C12orf42: variants seen among roughly 807,000 people sequenced by gnomAD.
The protein encoded by C12orf42 is chromosome 12 open reading frame 42, also known as uncharacterized protein C12orf42.
C12orf42 carries 25 observed loss-of-function variants against 21.6 expected under a neutral mutation model. The ratio of observed to expected loss-of-function variants is 1.16; its 90% CI spans 0.84 to 1.62. The LOEUF is 1.62. C12orf42 is among the 40% of genes most tolerant of loss of function. The pLI, the probability that C12orf42 is intolerant of heterozygous loss-of-function variation, is 0.00. For missense variants in C12orf42, 483 were observed against 459.3 expected (o/e 1.05, Z -0.47); for synonymous variants, 174 against 175.0 (o/e 0.99, Z 0.05).
intron 2 of C12orf42, among the ~76,000 whole-genome samples, chr12:103,436,285 C>T (rs969368265): frequency 6.6e-5 from 10 of 151,842 alleles, no homozygotes; most frequent in East Asian, 3.9e-4. Flanking sequence ...CGGTACCAGG[C>T]GCTGCAAAAT....
At chr12:103,365,486 A>T (rs532350753) in intron 4 of C12orf42, among the ~76,000 whole-genome samples, 1 of 152,146 alleles carries the variant, frequency 6.6e-6, no homozygotes, top group Non-Finnish European at 1.5e-5. Flanking sequence ...GCAATCAGAC[A>T]AGAGAAATAA....
the C12orf42 span, among the ~76,000 whole-genome samples, chr12:103,188,315 G>C: frequency 4.0e-5 from 6 of 150,990 alleles, no homozygotes; most frequent in African/African-American, 1.2e-4. Flanking sequence ...TAAGTTTATT[G>C]GGGTACAGGT....
chr12:103,098,977 A>G, the C12orf42 span, among the ~76,000 whole-genome samples: 2 of 152,226 alleles, frequency 1.3e-5, no homozygotes, highest in African/African-American at 2.4e-5. Flanking sequence ...AACAAAGATA[A>G]CAGATATAGC....
the C12orf42 span, among the ~76,000 whole-genome samples, chr12:103,547,591 G>A: frequency 3.3e-5 from 5 of 151,176 alleles, no homozygotes; most frequent in South Asian, 6.2e-4. Context: ...CCTTCAAGTA[G>A]TTTATAAGCT....
chr12:103,518,409 T>C, the C12orf42 span, among the ~76,000 whole-genome samples: 2,600 of 152,232 alleles, frequency 0.017, 35 homozygotes, highest in Non-Finnish European at 0.028. Flanking sequence ...CCAGAAACTC[T>C]TCTGCCAATG....
At chr12:103,229,488 A>AT in the C12orf42 span, among the ~76,000 whole-genome samples, 79,189 of 152,008 alleles carry the variant, frequency 0.52, 20,912 homozygotes, top group East Asian at 0.59. Flanking sequence ...TATATTTATA[A>AT]TTATTTATTT....
intron 3 of C12orf42, among the ~76,000 whole-genome samples, chr12:103,377,165 A>T (rs2045773210): frequency 6.6e-6 from 1 of 151,988 alleles, no homozygotes; most frequent in South Asian, 2.1e-4. Flanking sequence ...TTGCCTTAGT[A>T]GTGTTAGATT....
the C12orf42 span, among the ~76,000 whole-genome samples, chr12:103,056,874 A>G: frequency 1.3e-5 from 2 of 152,072 alleles, no homozygotes; most frequent in African/African-American, 4.8e-5. Context: ...TTTTTCTGCT[A>G]AGATTTTTTA....
At chr12:103,227,504 G>A in the C12orf42 span, among the ~76,000 whole-genome samples, 2 of 152,096 alleles carry the variant, frequency 1.3e-5, no homozygotes, top group African/African-American at 4.8e-5. Context: ...ATAAGGGATT[G>A]GGGGTTCTTG....
At chr12:103,241,262 C>T (rs1416479810) in intron 10 of C12orf42, among the ~76,000 whole-genome samples, 1 of 151,984 alleles carries the variant, frequency 6.6e-6, no homozygotes. Context: ...CAGCCCCCAC[C>T]CCATAACAGC....
chr12:103,184,717 C>CA, the C12orf42 span, among the ~76,000 whole-genome samples: 1 of 138,328 alleles, frequency 7.2e-6, no homozygotes, highest in Non-Finnish European at 1.6e-5. Flanking sequence ...TGTCACCCCC[C>CA]CCCCCCCAAA....
chr12:103,523,550 TC>T, the C12orf42 span, among the ~76,000 whole-genome samples: 1 of 151,528 alleles, frequency 6.6e-6, no homozygotes, highest in African/African-American at 2.4e-5. Context: ...ATCAAATGTC[TC>T]TATATATGTA....
intron 1 of C12orf42, among the ~76,000 whole-genome samples, chr12:103,495,005 AAT>A (rs1171670860): frequency 1.3e-5 from 2 of 152,088 alleles, no homozygotes; most frequent in African/African-American, 4.8e-5. Flanking sequence ...TGAGATAAAT[AAT>A]ATGTCTACAC....
chr12:103,527,824 G>A, the C12orf42 span, among the ~76,000 whole-genome samples: 1 of 152,186 alleles, frequency 6.6e-6, no homozygotes. Context: ...TCCAGTGTTT[G>A]TTATCAACTG....
At chr12:103,251,589 C>A (rs2034307511) in intron 10 of C12orf42, among the ~76,000 whole-genome samples, 2 of 152,124 alleles carry the variant, frequency 1.3e-5, no homozygotes, top group Admixed American at 1.3e-4. Context: ...CAAGAGATTG[C>A]TCAAACAAAG....
the C12orf42 span, among the ~76,000 whole-genome samples, chr12:103,178,832 A>G: frequency 6.6e-6 from 1 of 152,258 alleles, no homozygotes; most frequent in African/African-American, 2.4e-5. Context: ...AAGAGAAAGT[A>G]GAAATAAACA....
intron 10 of C12orf42, among the ~76,000 whole-genome samples, chr12:103,246,495 C>G (rs1392490450): frequency 6.6e-6 from 1 of 151,942 alleles, no homozygotes; most frequent in Non-Finnish European, 1.5e-5. Context: ...CCATATGACT[C>G]TGTACCATAT....
chr12:103,388,464 T>G (rs1593757603), intron 3 of C12orf42, among the ~76,000 whole-genome samples: 1 of 152,290 alleles, frequency 6.6e-6, no homozygotes, highest in East Asian at 1.9e-4. Flanking sequence ...AAGTACACTC[T>G]CTTTCTCTCT....
At chr12:103,488,132 C>T (rs541267832) in intron 1 of C12orf42, among the ~76,000 whole-genome samples, 1 of 152,270 alleles carries the variant, frequency 6.6e-6, no homozygotes, top group Admixed American at 6.5e-5. Context: ...CTTTCAGGAG[C>T]TCTTGTAAGG....
Sources: gnomAD v4.1 joint callset for allele counts (sites outside exome capture counted in the v4.1 genomes callset) on GRCh38, gnomAD v4.1.1 for gene constraint, MANE v1.5 for transcripts, NCBI Gene and HGNC (gene_info 2026-07-23, HGNC 2026-07-21) for gene names.